RTF1: variants seen among roughly 807,000 people sequenced by gnomAD.
RTF1 encodes RNA polymerase-associated protein RTF1 homolog.
Under a neutral mutation model 95.7 loss-of-function variants are expected in RTF1, and 10 were observed. That is an observed-to-expected ratio of 0.10 (90% CI 0.06 to 0.18). The LOEUF (loss-of-function observed/expected upper bound fraction) is 0.18, where lower values mean the gene tolerates loss of function less well. Ranked by LOEUF, RTF1 falls within the 10% of genes least tolerant of loss-of-function variation. RTF1 has a pLI of 1.00. For synonymous variants in RTF1, 305 were observed against 311.8 expected, an observed-to-expected ratio of 0.98 and a Z score of 0.23; for missense variants, 458 against 875.6, an observed-to-expected ratio of 0.52 and a Z score of 6.02.
intron 9 of RTF1, among the ~76,000 whole-genome samples, chr15:41,474,912 G>A (rs895810268): frequency 2.0e-5 from 3 of 152,128 alleles, no homozygotes; most frequent in African/African-American, 7.2e-5. Context: ...AATATATGAA[G>A]GGGTAGGACA....
chr15:41,466,324 G>A, intron 6 of RTF1, 72 bp downstream of exon 6: 1 of 1,019,552 alleles, frequency 9.8e-7, no homozygotes, highest in South Asian at 1.8e-5. Context: ...TTTTCATTTT[G>A]CCCTCTTGTT....
At chr15:41,436,234 G>A (rs1286695720) in intron 1 of RTF1, among the ~76,000 whole-genome samples, 3 of 149,474 alleles carry the variant, frequency 2.0e-5, no homozygotes, top group East Asian at 2.0e-4. Flanking sequence ...GGCGGATCAC[G>A]AGGTCAGGAG....
chr15:41,459,053 C>T (rs1175992546), intron 4 of RTF1, among the ~76,000 whole-genome samples: 1 of 151,928 alleles, frequency 6.6e-6, no homozygotes, highest in African/African-American at 2.4e-5. Context: ...GCCTGGGCGA[C>T]AGAGGGAGAT....
chr15:41,457,908 G>A (rs781056872), intron 4 of RTF1, 32 bp downstream of exon 4: 26 of 1,341,548 alleles, frequency 1.9e-5, no homozygotes, highest in African/African-American at 8.0e-5. Flanking sequence ...TCCCCCCCCC[G>A]CCCCCACCTT....
At chr15:41,441,154 G>A (rs968437864) in intron 2 of RTF1, among the ~76,000 whole-genome samples, 3 of 151,446 alleles carry the variant, frequency 2.0e-5, no homozygotes, top group Non-Finnish European at 2.9e-5. Context: ...TGTATTTTTA[G>A]TAGAGACGGG....
intron 8 of RTF1, among the ~76,000 whole-genome samples, chr15:41,472,948 G>A (rs1051121572): frequency 4.6e-5 from 7 of 151,378 alleles, no homozygotes; most frequent in African/African-American, 7.3e-5. Flanking sequence ...TGATCCGCCC[G>A]CCTCGGCCTC....
At chr15:41,471,109 T>G in intron 7 of RTF1, 63 bp from the exon 8 acceptor site, 2 of 1,471,832 alleles carry the variant, frequency 1.4e-6, no homozygotes, top group Non-Finnish European at 1.8e-6. Flanking sequence ...GTTGATATTA[T>G]TTTTCTGTCT....
chr15:41,443,924 C>G (rs564171972), intron 2 of RTF1, among the ~76,000 whole-genome samples: 4 of 151,420 alleles, frequency 2.6e-5, no homozygotes, highest in Non-Finnish European at 5.9e-5. Flanking sequence ...AAAAATTAGC[C>G]GGGCGTGGTG....
rs1211500759 is a variant in RTF1, at chr15:41,472,653, G to A, written c.1203+1304G>A. ...CATGCCTCAGCCTCCAAGTAGCTGG[G>A]ACTACAGGCATGCGCCACCACGCCT... is the stretch of plus-strand genomic sequence containing the variant. On this transcript the variant is annotated intron_variant, in intron 8 of 17. Coordinates refer to ENST00000389629, the MANE Select transcript of RTF1 (RefSeq NM_015138.5). Among the ~76,000 whole-genome samples the A allele has an allele frequency of 2.0e-5, 3 of 151,818 alleles. No homozygotes were observed. In the East Asian group the frequency reaches 5.8e-4, roughly 29 times the overall value.
At chr15:41,433,117 G>A (rs927127996) in intron 1 of RTF1, among the ~76,000 whole-genome samples, 11 of 151,698 alleles carry the variant, frequency 7.3e-5, no homozygotes, top group South Asian at 4.2e-4. Context: ...GTGTGGTGGC[G>A]TGCACCTATA....
intron 8 of RTF1, among the ~76,000 whole-genome samples, chr15:41,472,236 C>T (rs1187941116): frequency 1.1e-4 from 14 of 128,390 alleles, no homozygotes; most frequent in African/African-American, 2.6e-4. Flanking sequence ...GACAGAGTTT[C>T]GCTTTTGTCG....
At chr15:41,464,506 TG>T (rs1240924063) in intron 4 of RTF1, among the ~76,000 whole-genome samples, 2 of 152,282 alleles carry the variant, frequency 1.3e-5, no homozygotes, top group Non-Finnish European at 2.9e-5. Flanking sequence ...CCCAAAATGC[TG>T]GGATTACAGG....
chr15:41,477,044 C>A, intron 12 of RTF1, 121 bp from the exon 13 acceptor site: 3 of 1,225,808 alleles, frequency 2.4e-6, no homozygotes, highest in Non-Finnish European at 3.6e-6. Context: ...TATTCTTCCA[C>A]ATCTCCTGTC....
At chr15:41,421,789 G>A (rs1216595049) in intron 1 of RTF1, among the ~76,000 whole-genome samples, 1 of 150,296 alleles carries the variant, frequency 6.7e-6, no homozygotes, top group African/African-American at 2.5e-5. Flanking sequence ...GCTCACGGCT[G>A]TAGCGTTGAC....
intron 1 of RTF1, among the ~76,000 whole-genome samples, chr15:41,435,515 A>G (rs1408637651): frequency 6.6e-6 from 1 of 152,126 alleles, no homozygotes; most frequent in Non-Finnish European, 1.5e-5. Context: ...ACAAGTGTTG[A>G]TATAATTTGC....
intron 1 of RTF1, among the ~76,000 whole-genome samples, chr15:41,434,468 T>C (rs1321733244): frequency 6.6e-6 from 1 of 152,108 alleles, no homozygotes; most frequent in Non-Finnish European, 1.5e-5. Flanking sequence ...ATTCCATCTA[T>C]ATGATGTTCT....
Position 41,438,173 on chromosome 15 carries a change from G to A in RTF1, c.199-148G>A, listed in dbSNP as rs141298877. On this transcript the variant is annotated intron_variant, in intron 1 of 17. Transcript: ENST00000389629. ...ATCTTGGAATCCTAGCAGTCAGTCT[G>A]TTCATGCTGATAGAAGTCCCTGTGA... 9.8e-4 allele frequency: 476 copies of A among 486,878 alleles called. 1 individual carries two copies. Among genetic ancestry groups the A allele is most frequent in the African/African-American group, 8.3e-3 (431 of 51,842 alleles). 30.2% of individuals were successfully genotyped at this position (486,878 alleles called of 1,614,324 possible). A position where few individuals can be genotyped will look rare whatever the true frequency, so the allele number is the denominator to read the frequency against.
At chr15:41,467,195 C>T (rs2050884992) in intron 6 of RTF1, among the ~76,000 whole-genome samples, 1 of 152,148 alleles carries the variant, frequency 6.6e-6, no homozygotes, top group Non-Finnish European at 1.5e-5. Flanking sequence ...TATCTCCAAG[C>T]TATAGGTGGT....
intron 2 of RTF1, among the ~76,000 whole-genome samples, chr15:41,450,414 C>T (rs531277146): frequency 8.6e-4 from 130 of 151,284 alleles, no homozygotes; most frequent in Middle Eastern, 3.4e-3. Context: ...GGAGAAACCC[C>T]GTCTCTGCTA....
Sources: gnomAD v4.1 joint callset for allele counts (sites outside exome capture counted in the v4.1 genomes callset) on GRCh38, gnomAD v4.1.1 for gene constraint, MANE v1.5 for transcripts, NCBI Gene and HGNC (gene_info 2026-07-23, HGNC 2026-07-21) for gene names.